The following SCAPER variants were observed in gnomAD, a reference collection of about 807,000 sequenced individuals.
SCAPER encodes S-phase cyclin A associated protein in the ER.
A neutral mutation model predicts 182.2 loss-of-function variants in SCAPER; 98 were observed. The ratio of observed to expected loss-of-function variants is 0.54; its 90% confidence interval spans 0.46 to 0.64. The LOEUF is 0.64. SCAPER is among the 30% of genes least tolerant of loss of function. The pLI is 0.00. For synonymous variants in SCAPER, 605 were observed against 564.6 expected (o/e 1.07, Z -1.01); for missense variants, 1,432 against 1,690.0 (o/e 0.85, Z 2.68).
At chr15:76,689,137 C>T (rs1292829259) in intron 20 of SCAPER, among the ~76,000 whole-genome samples, 4 of 151,746 alleles carry the variant, frequency 2.6e-5, no homozygotes, top group South Asian at 2.1e-4. Flanking sequence ...CATGAGCCAC[C>T]GCACCCAGCC....
intron 15 of SCAPER, chr15:76,736,820 T>C: frequency 6.1e-6 from 1 of 163,764 alleles, no homozygotes; most frequent in South Asian, 1.7e-4. Flanking sequence ...GGACTGGTCT[T>C]TGATCAAGGA....
At chr15:76,539,062 G>GT (rs1004464196) in intron 23 of SCAPER, among the ~76,000 whole-genome samples, 5 of 149,582 alleles carry the variant, frequency 3.3e-5, no homozygotes, top group African/African-American at 1.2e-4. Flanking sequence ...AACTAATGTT[G>GT]TAAGTAAAAA....
rs541556088 is a variant in SCAPER, at chr15:76,433,407, C to A, written c.3311+671G>T. On this transcript the variant is annotated intron_variant, in intron 26 of 31. Coordinates refer to ENST00000563290, the MANE Select transcript of SCAPER (RefSeq NM_020843.4). ...CCTGTAATCCCAGCTACTTGGGAGG[C>A]TGAGGCAGAAGAATTGCTTGAACCC... Among the ~76,000 whole-genome samples, 4 of 152,202 alleles carry A rather than the reference C, an allele frequency of 2.6e-5. No homozygotes were observed. In the South Asian group the frequency reaches 8.3e-4, roughly 32 times the overall value.
chr15:76,804,930 CAT>C (rs1272776178), intron 5 of SCAPER, among the ~76,000 whole-genome samples: 1 of 152,114 alleles, frequency 6.6e-6, no homozygotes, highest in African/African-American at 2.4e-5. Context: ...GTACACTAAA[CAT>C]AAATCCAGCT....
chr15:76,610,209 C>A (rs188169559), intron 22 of SCAPER, among the ~76,000 whole-genome samples: 2 of 152,222 alleles, frequency 1.3e-5, no homozygotes, highest in East Asian at 3.9e-4. Context: ...CAGTTTATGT[C>A]TTCCCAAACC....
intron 5 of SCAPER, among the ~76,000 whole-genome samples, chr15:76,821,722 G>A (rs938944054): frequency 6.6e-6 from 1 of 151,974 alleles, no homozygotes; most frequent in East Asian, 1.9e-4. Context: ...CTTGAGCCCA[G>A]GAGCGAGACT....
chr15:76,640,832 A>G (rs2054042945), intron 21 of SCAPER, among the ~76,000 whole-genome samples: 1 of 152,236 alleles, frequency 6.6e-6, no homozygotes, highest in African/African-American at 2.4e-5. Context: ...TTGGACTGCC[A>G]GAATAAGCCA....
chr15:76,484,104 G>A (rs763500187), intron 24 of SCAPER, among the ~76,000 whole-genome samples: 1 of 152,038 alleles, frequency 6.6e-6, no homozygotes, highest in Non-Finnish European at 1.5e-5. Flanking sequence ...TCCTTCAGTA[G>A]GTAAATACAT....
At chr15:76,593,824 C>A (rs1376986208) in intron 22 of SCAPER, among the ~76,000 whole-genome samples, 3 of 120,918 alleles carry the variant, frequency 2.5e-5, no homozygotes, top group African/African-American at 2.5e-5. Flanking sequence ...CCGAAGGTCA[C>A]CAACATCAAA....
At chr15:76,876,168 C>A (rs1188926814) in intron 2 of SCAPER, among the ~76,000 whole-genome samples, 1 of 152,222 alleles carries the variant, frequency 6.6e-6, no homozygotes, top group Non-Finnish European at 1.5e-5. Flanking sequence ...GCGCCACGCA[C>A]AGCCCTGGTT....
At chr15:76,659,211 C>G (rs1161109658) in intron 21 of SCAPER, among the ~76,000 whole-genome samples, 1 of 152,060 alleles carries the variant, frequency 6.6e-6, no homozygotes, top group East Asian at 1.9e-4. Context: ...CTATAAGGAA[C>G]TTAAACAAAT....
At chr15:76,567,905 T>G (rs1353561148) in intron 23 of SCAPER, among the ~76,000 whole-genome samples, 1 of 152,102 alleles carries the variant, frequency 6.6e-6, no homozygotes, top group East Asian at 1.9e-4. Context: ...CCCTTTATTG[T>G]TAATTTCTTT....
chr15:76,585,093 C>T (rs1053637559), intron 22 of SCAPER, among the ~76,000 whole-genome samples: 4 of 152,124 alleles, frequency 2.6e-5, no homozygotes, highest in African/African-American at 9.7e-5. Flanking sequence ...CTGGCTCCAG[C>T]ACACACCATG....
At chr15:76,626,704 G>T (rs1597786323) in intron 21 of SCAPER, among the ~76,000 whole-genome samples, 1 of 152,234 alleles carries the variant, frequency 6.6e-6, no homozygotes, top group South Asian at 2.1e-4. Context: ...ATGACAGAGA[G>T]AGATTCTGTC....
intron 2 of SCAPER, among the ~76,000 whole-genome samples, chr15:76,881,051 G>A (rs112691655): frequency 6.6e-6 from 1 of 152,004 alleles, no homozygotes; most frequent in Non-Finnish European, 1.5e-5. Context: ...TTCCACTTTT[G>A]GTTACGTACC....
intron 2 of SCAPER, among the ~76,000 whole-genome samples, chr15:76,871,408 C>CAAA (rs1220368116): frequency 1.6e-4 from 11 of 67,938 alleles, no homozygotes; most frequent in African/African-American, 5.6e-4. Flanking sequence ...GACTCCATCT[C>CAAA]AAAAAAAAAA....
intron 23 of SCAPER, among the ~76,000 whole-genome samples, chr15:76,564,943 G>A (rs1489126504): frequency 6.6e-6 from 1 of 152,114 alleles, no homozygotes; most frequent in African/African-American, 2.4e-5. Context: ...TGAATGAATA[G>A]TGATGCAATA....
chr15:76,443,913 A>C (rs1001519045), intron 25 of SCAPER, among the ~76,000 whole-genome samples: 1 of 152,248 alleles, frequency 6.6e-6, no homozygotes, highest in Non-Finnish European at 1.5e-5. Context: ...TAGCCCAGTC[A>C]AAGCAAATGC....
At chr15:76,351,142 A>C (rs534457947) in intron 31 of SCAPER, 95 bp downstream of exon 31, 2 of 1,063,892 alleles carry the variant, frequency 1.9e-6, no homozygotes, top group Admixed American at 6.0e-5. Context: ...TATGTATAAA[A>C]TTTTACATAT....
Sources: allele counts gnomAD v4.1 joint callset (sites outside exome capture counted in the v4.1 genomes callset), GRCh38; gene constraint gnomAD v4.1.1; transcripts MANE v1.5; gene names NCBI Gene and HGNC (gene_info 2026-07-23, HGNC 2026-07-21).